LRP1B: variants seen among roughly 807,000 people sequenced by gnomAD.
LRP1B encodes low-density lipoprotein receptor-related protein 1B.
In LRP1B, 217 loss-of-function variants were observed where a neutral mutation model predicts 556.6. That is an observed-to-expected ratio of 0.39 (90% CI 0.35 to 0.44). LRP1B has a LOEUF of 0.44. Ranked by LOEUF, LRP1B falls within the 20% of genes least tolerant of loss-of-function variation. LRP1B has a pLI of 1.00. For missense variants in LRP1B, 5,053 were observed against 5,620.8 expected (o/e 0.90, Z 3.23); for synonymous variants, 2,047 against 1,865.8 (o/e 1.10, Z -2.50).
At chr2:141,889,622 G>A (rs373110265) in intron 1 of LRP1B, among the ~76,000 whole-genome samples, 5 of 152,112 alleles carry the variant, frequency 3.3e-5, no homozygotes, top group South Asian at 2.1e-4. Flanking sequence ...GTCTAATATC[G>A]TCTTATCTCC....
chr2:141,612,220 T>C (rs1017676214), intron 2 of LRP1B, among the ~76,000 whole-genome samples: 6 of 152,202 alleles, frequency 3.9e-5, no homozygotes, highest in Non-Finnish European at 8.8e-5. Context: ...ATTCCAAAGT[T>C]TGTCTTTCAT....
chr2:141,880,567 A>T (rs1698923647), intron 1 of LRP1B, among the ~76,000 whole-genome samples: 3 of 152,190 alleles, frequency 2.0e-5, no homozygotes, highest in Middle Eastern at 6.8e-3. Context: ...ACAATAGTGA[A>T]ATGATTTTTT....
intron 12 of LRP1B, among the ~76,000 whole-genome samples, chr2:141,016,414 A>G (rs1354090493): frequency 6.6e-6 from 1 of 152,114 alleles, no homozygotes; most frequent in Non-Finnish European, 1.5e-5. Flanking sequence ...AATTGGACTG[A>G]CTTTGTTCTA....
chr2:141,626,711 G>C (rs1219889847), intron 2 of LRP1B, among the ~76,000 whole-genome samples: 1 of 152,150 alleles, frequency 6.6e-6, no homozygotes, highest in East Asian at 1.9e-4. Flanking sequence ...TCAACATCAT[G>C]TATCATCAGG....
intron 82 of LRP1B, among the ~76,000 whole-genome samples, chr2:140,321,365 TGTTA>T (rs1173824084): frequency 7.7e-6 from 1 of 130,130 alleles, no homozygotes; most frequent in African/African-American, 2.9e-5. Context: ...ATTTTGTTTC[TGTTA>T]GTTTTTAGTT....
At chr2:140,485,825 G>A (rs1688442210) in intron 58 of LRP1B, among the ~76,000 whole-genome samples, 1 of 144,694 alleles carries the variant, frequency 6.9e-6, no homozygotes, top group African/African-American at 2.5e-5. Context: ...CTTAAAATTT[G>A]GGACAAAATT....
At chr2:141,541,292 C>T (rs1432394838) in intron 2 of LRP1B, among the ~76,000 whole-genome samples, 1 of 152,012 alleles carries the variant, frequency 6.6e-6, no homozygotes, top group Non-Finnish European at 1.5e-5. Flanking sequence ...TTGAGACAGA[C>T]ATGAGATCAG....
At chr2:141,893,270 G>A (rs1474168936) in intron 1 of LRP1B, among the ~76,000 whole-genome samples, 2 of 152,068 alleles carry the variant, frequency 1.3e-5, no homozygotes, top group African/African-American at 4.8e-5. Flanking sequence ...GCACGATCTC[G>A]GCTCACTGCA....
chr2:141,726,208 A>G (rs1693025218), intron 2 of LRP1B, among the ~76,000 whole-genome samples: 1 of 151,286 alleles, frequency 6.6e-6, no homozygotes, highest in Admixed American at 6.6e-5. Flanking sequence ...TATAAAATAT[A>G]TGTATAGTAC....
intron 3 of LRP1B, among the ~76,000 whole-genome samples, chr2:141,275,958 CTGAT>C (rs2105376997): frequency 6.6e-6 from 1 of 152,076 alleles, no homozygotes; most frequent in African/African-American, 2.4e-5. Flanking sequence ...TATTTCAAAA[CTGAT>C]TAAGTTAAAA....
chr2:141,135,099 G>A (rs1701458006), intron 7 of LRP1B, among the ~76,000 whole-genome samples: 1 of 151,836 alleles, frequency 6.6e-6, no homozygotes, highest in African/African-American at 2.4e-5. Flanking sequence ...GCCTGTGTGA[G>A]TGTGGGTATC....
At chr2:141,225,483 G>T (rs1327125049) in intron 6 of LRP1B, among the ~76,000 whole-genome samples, 6 of 152,020 alleles carry the variant, frequency 3.9e-5, no homozygotes, top group Non-Finnish European at 7.4e-5. Context: ...GTTATTTTGG[G>T]TATCTGTGTC....
chr2:141,084,090 T>C (rs767430066), intron 7 of LRP1B, among the ~76,000 whole-genome samples: 2 of 152,074 alleles, frequency 1.3e-5, no homozygotes, highest in African/African-American at 2.4e-5. Context: ...AACAAGTAAA[T>C]AGATAAGCAG....
intron 11 of LRP1B, among the ~76,000 whole-genome samples, chr2:141,031,930 A>C (rs540295366): frequency 6.6e-6 from 1 of 152,034 alleles, no homozygotes; most frequent in African/African-American, 2.4e-5. Context: ...CACCAAAAAA[A>C]AAACTTGTAT....
intron 50 of LRP1B, among the ~76,000 whole-genome samples, chr2:140,515,954 T>C (rs970066847): frequency 1.3e-5 from 2 of 152,084 alleles, no homozygotes; most frequent in South Asian, 2.1e-4. Context: ...AGTGAATATA[T>C]ACCTTGTTTT....
At chr2:140,233,746 T>C (rs1295052029) in intron 90 of LRP1B, among the ~76,000 whole-genome samples, 3 of 151,358 alleles carry the variant, frequency 2.0e-5, no homozygotes, top group Non-Finnish European at 4.4e-5. Context: ...GAAAAACATT[T>C]GTTTGGTGCT....
intron 84 of LRP1B, among the ~76,000 whole-genome samples, chr2:140,293,781 A>T (rs536831181): frequency 1.3e-5 from 2 of 152,204 alleles, no homozygotes; most frequent in Non-Finnish European, 2.9e-5. Context: ...AAAAAACAGC[A>T]TCACCATACA....
intron 54 of LRP1B, 33 bp from the exon 55 acceptor site, chr2:140,501,907 G>A (rs757397815): frequency 6.6e-7 from 1 of 1,506,976 alleles, no homozygotes; most frequent in Non-Finnish European, 9.0e-7. Context: ...GGAACATAAA[G>A]GGCATGCCAT....
chr2:142,035,914 G>T (rs1703861154), intron 1 of LRP1B, among the ~76,000 whole-genome samples: 1 of 151,704 alleles, frequency 6.6e-6, no homozygotes, highest in African/African-American at 2.4e-5. Context: ...TCGTGATAGT[G>T]AATAAGTCTC....
Sources: gnomAD v4.1 joint callset for allele counts (sites outside exome capture counted in the v4.1 genomes callset) on GRCh38, gnomAD v4.1.1 for gene constraint, MANE v1.5 for transcripts, NCBI Gene and HGNC (gene_info 2026-07-23, HGNC 2026-07-21) for gene names.